RTL4: variants seen among roughly 807,000 people sequenced by gnomAD.
RTL4 encodes the protein retrotransposon Gag-like protein 4.
A neutral mutation model predicts 5.3 loss-of-function variants in RTL4; 4 were observed. The ratio of observed to expected loss-of-function variants is 0.75; its 90% CI spans 0.37 to 1.72. The LOEUF is 1.72. Among genes scored for constraint, RTL4 ranks in the 40% most tolerant of loss-of-function variants. The pLI is 0.04. For synonymous variants in RTL4, 98 were observed against 87.3 expected (o/e 1.12, Z -0.68); for missense variants, 260 against 227.1 (o/e 1.14, Z -0.93).
chrX:112,087,733 A>G, the RTL4 span, among the ~76,000 whole-genome samples: 1 of 111,056 alleles, frequency 9.0e-6, no homozygotes, highest in Admixed American at 9.6e-5. Flanking sequence ...GGTTACATGG[A>G]CTTTGGTTTG....
chrX:112,411,801 G>C, the RTL4 span, among the ~76,000 whole-genome samples: 1 of 110,695 alleles, frequency 9.0e-6, no homozygotes, highest in Non-Finnish European at 1.9e-5. Flanking sequence ...AAAATGATAA[G>C]GATGCCCACT....
At chrX:112,396,150 G>A in the RTL4 span, among the ~76,000 whole-genome samples, 1 of 110,832 alleles carries the variant, frequency 9.0e-6, no homozygotes, top group South Asian at 3.9e-4. Flanking sequence ...TCTCTTTTGG[G>A]TACGGTTGGT....
the RTL4 span, among the ~76,000 whole-genome samples, chrX:112,265,169 T>A: frequency 8.9e-6 from 1 of 112,929 alleles, no homozygotes; most frequent in African/African-American, 3.2e-5. Context: ...AGGACTTGCA[T>A]TCCAGAGGCA....
the RTL4 span, among the ~76,000 whole-genome samples, chrX:112,165,641 A>G: frequency 9.0e-6 from 1 of 111,268 alleles, no homozygotes; most frequent in Non-Finnish European, 1.9e-5. Flanking sequence ...TTTTGACTCT[A>G]ATATATTCCC....
At chrX:112,321,135 A>C in the RTL4 span, among the ~76,000 whole-genome samples, 19 of 111,853 alleles carry the variant, frequency 1.7e-4, no homozygotes, top group East Asian at 4.0e-3. Flanking sequence ...GATTGAGTGG[A>C]GAAGCTTCCC....
chrX:112,128,573 C>T, the RTL4 span, among the ~76,000 whole-genome samples: 7 of 104,957 alleles, frequency 6.7e-5, no homozygotes, highest in Non-Finnish European at 1.2e-4. Context: ...GCAGGAGACT[C>T]GCTTGAACCC....
the RTL4 span, among the ~76,000 whole-genome samples, chrX:112,159,577 G>C: frequency 8.9e-6 from 1 of 111,878 alleles, no homozygotes; most frequent in East Asian, 2.8e-4. Context: ...TTATACACAA[G>C]GTATTTAATG....
the RTL4 span, among the ~76,000 whole-genome samples, chrX:112,181,484 G>T: frequency 1.8e-5 from 2 of 111,443 alleles, no homozygotes; most frequent in Non-Finnish European, 3.8e-5. Flanking sequence ...GGATGATCAA[G>T]CTTGGTGGGG....
the RTL4 span, among the ~76,000 whole-genome samples, chrX:112,175,401 G>A: frequency 2.5e-4 from 27 of 108,045 alleles, no homozygotes; most frequent in Non-Finnish European, 3.3e-4. Flanking sequence ...GATATGTGGC[G>A]TTATTTCTGA....
chrX:112,378,699 C>T, the RTL4 span, among the ~76,000 whole-genome samples: 37,586 of 110,807 alleles, frequency 0.34, 6,705 homozygotes, highest in African/African-American at 0.69. Context: ...ACAACCTCAA[C>T]GCAGACACAA....
chrX:112,298,381 C>T, the RTL4 span, among the ~76,000 whole-genome samples: 1 of 111,811 alleles, frequency 8.9e-6, no homozygotes, highest in African/African-American at 3.2e-5. Flanking sequence ...ACTACCTGGG[C>T]ATAGCTATGA....
the RTL4 span, among the ~76,000 whole-genome samples, chrX:112,416,919 A>T: frequency 8.9e-6 from 1 of 111,847 alleles, no homozygotes; most frequent in Non-Finnish European, 1.9e-5. Context: ...TAAGGTAGTT[A>T]TTCATACAAA....
At chrX:112,307,240 C>T in the RTL4 span, among the ~76,000 whole-genome samples, 10 of 112,050 alleles carry the variant, frequency 8.9e-5, no homozygotes, top group African/African-American at 3.2e-5. Context: ...TCATTTAATA[C>T]TCACAGCAAT....
the RTL4 span, among the ~76,000 whole-genome samples, chrX:112,226,989 C>CAAAATAAAATAAAATAAAATAAAAT: frequency 0.018 from 1,686 of 95,674 alleles, 55 homozygotes; most frequent in African/African-American, 0.064. Context: ...TAAAATAAAA[C>CAAAATAAAATAAAATAAAATAAAAT]AAAATAAAAT....
At chrX:112,417,391 A>G in the RTL4 span, among the ~76,000 whole-genome samples, 11 of 112,023 alleles carry the variant, frequency 9.8e-5, no homozygotes, top group African/African-American at 3.6e-4. Context: ...GATAATGTCC[A>G]AAAAAACTTA....
chrX:112,331,708 T>C, the RTL4 span, among the ~76,000 whole-genome samples: 382 of 96,483 alleles, frequency 4.0e-3, no homozygotes, highest in African/African-American at 0.015. Flanking sequence ...CACATGCACA[T>C]GTATGTTTAT....
the RTL4 span, among the ~76,000 whole-genome samples, chrX:112,159,351 T>A: frequency 8.9e-6 from 1 of 111,941 alleles, no homozygotes; most frequent in Non-Finnish European, 1.9e-5. Context: ...GATAGACATG[T>A]TTGAGAGCAT....
chrX:112,190,002 G>GA, the RTL4 span, among the ~76,000 whole-genome samples: 1 of 111,572 alleles, frequency 9.0e-6, no homozygotes, highest in East Asian at 2.8e-4. Flanking sequence ...ATTTATTGAG[G>GA]AATTTTCAAC....
At chrX:112,311,951 A>G in the RTL4 span, among the ~76,000 whole-genome samples, 1 of 111,706 alleles carries the variant, frequency 9.0e-6, no homozygotes, top group Non-Finnish European at 1.9e-5. Flanking sequence ...AAAATAATTG[A>G]TACTCTACAT....
Sources: gnomAD v4.1 joint callset for allele counts (sites outside exome capture counted in the v4.1 genomes callset) on GRCh38, gnomAD v4.1.1 for gene constraint, MANE v1.5 for transcripts, NCBI Gene and HGNC (gene_info 2026-07-23, HGNC 2026-07-21) for gene names.